The following CDK14 variants were observed in gnomAD, a reference collection of about 807,000 sequenced individuals.
CDK14 encodes cyclin dependent kinase 14.
A neutral mutation model predicts 60.7 loss-of-function variants in CDK14; 34 were observed. That is an observed-to-expected ratio of 0.56 (90% CI 0.43 to 0.75). The LOEUF (loss-of-function observed/expected upper bound fraction) is 0.75. Among genes scored for constraint, CDK14 ranks in the 30% least tolerant of loss-of-function variants. The pLI is 0.00. For missense variants in CDK14, 482 were observed against 564.1 expected, an observed-to-expected ratio of 0.85 and a Z score of 1.47; for synonymous variants, 197 against 203.7, an observed-to-expected ratio of 0.97 and a Z score of 0.28.
intron 13 of CDK14, among the ~76,000 whole-genome samples, chr7:91,117,603 C>A (rs1799647629): frequency 6.6e-6 from 1 of 152,094 alleles, no homozygotes; most frequent in Admixed American, 6.6e-5. Context: ...ATAACATTTA[C>A]CACTATTTAA....
intron 2 of CDK14, among the ~76,000 whole-genome samples, chr7:90,698,157 C>T (rs1018690853): frequency 4.7e-5 from 7 of 149,770 alleles, no homozygotes; most frequent in South Asian, 2.1e-4. Flanking sequence ...TTAGCTGATT[C>T]GTGCTACTTG....
At chr7:91,014,211 G>A (rs999481678) in intron 10 of CDK14, among the ~76,000 whole-genome samples, 19 of 152,196 alleles carry the variant, frequency 1.2e-4, no homozygotes, top group African/African-American at 4.6e-4. Flanking sequence ...GTTGGGGGTT[G>A]GGGAACAAGG....
intron 14 of CDK14, among the ~76,000 whole-genome samples, chr7:91,178,762 C>T (rs1317875432): frequency 6.6e-6 from 1 of 151,074 alleles, no homozygotes; most frequent in Admixed American, 6.6e-5. Context: ...TATTAGATAC[C>T]ATCTCACACC....
chr7:91,139,477 CT>C (rs1366990125), intron 14 of CDK14, among the ~76,000 whole-genome samples: 3 of 152,204 alleles, frequency 2.0e-5, no homozygotes, highest in Admixed American at 1.3e-4. Flanking sequence ...CTCAGATCCC[CT>C]TGAAGGTATC....
intron 14 of CDK14, among the ~76,000 whole-genome samples, chr7:91,165,511 TC>T (rs1294582400): frequency 6.6e-6 from 1 of 152,188 alleles, no homozygotes; most frequent in East Asian, 1.9e-4. Flanking sequence ...TCTCCAGGAC[TC>T]CTTTCAACTC....
chr7:90,869,287 G>A (rs979778143), intron 6 of CDK14, among the ~76,000 whole-genome samples: 1 of 152,198 alleles, frequency 6.6e-6, no homozygotes, highest in Non-Finnish European at 1.5e-5. Flanking sequence ...TTGCTGAGAA[G>A]TGTTTAGGTA....
chr7:91,091,291 T>TAA (rs1798800731), intron 12 of CDK14, among the ~76,000 whole-genome samples: 1 of 145,154 alleles, frequency 6.9e-6, no homozygotes, highest in Admixed American at 7.0e-5. Flanking sequence ...TATATGTATA[T>TAA]ATTTTTATAT....
At chr7:90,819,236 C>G (rs1204672237) in intron 5 of CDK14, among the ~76,000 whole-genome samples, 1 of 152,028 alleles carries the variant, frequency 6.6e-6, no homozygotes, top group Non-Finnish European at 1.5e-5. Flanking sequence ...TTTCAAACCT[C>G]TAGACTTTTT....
intron 9 of CDK14, among the ~76,000 whole-genome samples, chr7:90,960,880 A>G (rs946959864): frequency 6.6e-6 from 1 of 152,108 alleles, no homozygotes; most frequent in Non-Finnish European, 1.5e-5. Context: ...CTGTGGTTTG[A>G]TTTGAGACTT....
chr7:90,912,035 T>C (rs1562824884), intron 7 of CDK14, among the ~76,000 whole-genome samples: 1 of 152,120 alleles, frequency 6.6e-6, no homozygotes, highest in Non-Finnish European at 1.5e-5. Context: ...TTTAAGACAA[T>C]TTCTCATTGG....
chr7:90,750,189 CA>C (rs1562752152), intron 4 of CDK14, among the ~76,000 whole-genome samples: 6 of 103,510 alleles, frequency 5.8e-5, no homozygotes, highest in Non-Finnish European at 9.3e-5. Context: ...CACACACACA[CA>C]CACACACACA....
chr7:90,761,331 G>GT (rs5885744), intron 4 of CDK14, among the ~76,000 whole-genome samples: 38,806 of 144,626 alleles, frequency 0.27, 5,272 homozygotes, highest in South Asian at 0.35. Context: ...ACTCTTTGGG[G>GT]TTTTTTTTTT....
intron 3 of CDK14, among the ~76,000 whole-genome samples, chr7:90,738,314 A>G (rs1250004857): frequency 6.6e-6 from 1 of 152,238 alleles, no homozygotes; most frequent in Non-Finnish European, 1.5e-5. Context: ...GATTAAGTTT[A>G]TGTAATACAT....
chr7:90,982,409 C>T (rs932076551), intron 9 of CDK14, among the ~76,000 whole-genome samples: 1 of 152,164 alleles, frequency 6.6e-6, no homozygotes, highest in Non-Finnish European at 1.5e-5. Flanking sequence ...CTCAGCGATT[C>T]TCACTGTAGC....
chr7:90,977,576 A>T (rs545891874), intron 9 of CDK14, among the ~76,000 whole-genome samples: 5 of 152,174 alleles, frequency 3.3e-5, no homozygotes, highest in Admixed American at 2.6e-4. Flanking sequence ...TATTTTTTTT[A>T]AAAGACCATA....
intron 5 of CDK14, among the ~76,000 whole-genome samples, chr7:90,836,462 C>G (rs561831602): frequency 8.0e-4 from 121 of 152,112 alleles, no homozygotes; most frequent in Non-Finnish European, 9.7e-4. Context: ...TCTTCCACCT[C>G]GATGTCTTGT....
At chr7:90,615,076 C>T (rs1422996530) in intron 2 of CDK14, among the ~76,000 whole-genome samples, 2 of 151,976 alleles carry the variant, frequency 1.3e-5, no homozygotes, top group Non-Finnish European at 2.9e-5. Flanking sequence ...TCAATAGCTA[C>T]TCTAAATTCT....
Position 90,970,630 on chromosome 7 carries a change from A to C in CDK14, c.948-13518A>C, listed in dbSNP as rs74587409. Among the ~76,000 whole-genome samples the C allele has an allele frequency of 5.9e-3, 900 of 152,316 alleles. 15 individuals carry two copies. The highest frequency in any genetic ancestry group is 0.02 in the African/African-American group (851 of 41,564). ...TAAACATATAATACAGCTTCCTTAC[A>C]TGTAAAAATCAAAACATTGTCTGAG... On this transcript the variant is annotated intron_variant, in intron 9 of 14. Coordinates refer to ENST00000380050, the MANE Select transcript of CDK14 (RefSeq NM_001287135.2).
At chr7:90,927,916 T>TTAC (rs1347485167) in intron 8 of CDK14, among the ~76,000 whole-genome samples, 1 of 152,200 alleles carries the variant, frequency 6.6e-6, no homozygotes, top group African/African-American at 2.4e-5. Flanking sequence ...TCGTTTCTTT[T>TTAC]TACTCTTTTT....
Sources: allele counts gnomAD v4.1 joint callset (sites outside exome capture counted in the v4.1 genomes callset), GRCh38; gene constraint gnomAD v4.1.1; transcripts MANE v1.5; gene names NCBI Gene and HGNC (gene_info 2026-07-23, HGNC 2026-07-21).